Variants in VAT1L observed in about 807,000 individuals in gnomAD.
VAT1L encodes putative NADPH-dependent quinone oxidoreductase VAT1L.
In VAT1L, 34 loss-of-function variants were observed where a neutral mutation model predicts 44.1. That is an observed-to-expected ratio of 0.77 (90% CI 0.59 to 1.03). The LOEUF is 1.03. Ranked by LOEUF, VAT1L falls within the 50% of genes least tolerant of loss-of-function variation. The pLI, the probability that VAT1L is intolerant of heterozygous loss-of-function variation, is 0.00. For synonymous variants in VAT1L, 253 were observed against 202.2 expected (o/e 1.25, Z -2.13); for missense variants, 615 against 538.8 (o/e 1.14, Z -1.40).
At chr16:77,953,881 A>G (rs574872746) in intron 7 of VAT1L, among the ~76,000 whole-genome samples, 1 of 152,230 alleles carries the variant, frequency 6.6e-6, no homozygotes, top group Non-Finnish European at 1.5e-5. Context: ...CTTGAAAAGA[A>G]ACAAGCCCAC....
At chr16:77,821,960 G>A (rs1303036533) in intron 2 of VAT1L, among the ~76,000 whole-genome samples, 6 of 152,150 alleles carry the variant, frequency 3.9e-5, no homozygotes, top group Non-Finnish European at 7.3e-5. Flanking sequence ...AAGCATAAGG[G>A]TGTGAGCATG....
At chr16:77,865,306 G>A (rs1050985811) in intron 4 of VAT1L, among the ~76,000 whole-genome samples, 5 of 152,044 alleles carry the variant, frequency 3.3e-5, no homozygotes, top group Admixed American at 2.6e-4. Context: ...CTTAAGCTGT[G>A]GTCTGGAAAA....
chr16:77,940,099 T>C (rs1326111513), intron 7 of VAT1L, among the ~76,000 whole-genome samples: 1 of 152,144 alleles, frequency 6.6e-6, no homozygotes, highest in Non-Finnish European at 1.5e-5. Context: ...TTAAAGAGTC[T>C]CAACAAGCTC....
intron 1 of VAT1L, among the ~76,000 whole-genome samples, chr16:77,806,042 T>C (rs968989012): frequency 1.7e-4 from 26 of 151,394 alleles, no homozygotes; most frequent in Middle Eastern, 3.4e-3. Flanking sequence ...TTTATATTTT[T>C]AGTAGAGTCA....
chr16:77,891,791 GGCC>G (rs1161484032), intron 7 of VAT1L, among the ~76,000 whole-genome samples: 1 of 152,178 alleles, frequency 6.6e-6, no homozygotes, highest in Non-Finnish European at 1.5e-5. Context: ...AAAAAGATTA[GGCC>G]GGGCGCGGTG....
chr16:77,887,601 G>A (rs974627972), intron 7 of VAT1L, among the ~76,000 whole-genome samples: 10 of 152,172 alleles, frequency 6.6e-5, no homozygotes, highest in Non-Finnish European at 1.3e-4. Flanking sequence ...TGCTTCATGT[G>A]TGCTGGGGTT....
At chr16:77,845,901 A>C (rs1009218273) in intron 3 of VAT1L, among the ~76,000 whole-genome samples, 2 of 152,120 alleles carry the variant, frequency 1.3e-5, no homozygotes, top group East Asian at 3.9e-4. Flanking sequence ...CCATTCGTCC[A>C]TCTGTCCGTC....
At chr16:77,947,333 C>T (rs573929184) in intron 7 of VAT1L, among the ~76,000 whole-genome samples, 5 of 152,280 alleles carry the variant, frequency 3.3e-5, no homozygotes, top group Non-Finnish European at 5.9e-5. Context: ...TTTAGGGACT[C>T]TTTTCACCCT....
chr16:77,971,981 C>G (rs2018283395), intron 8 of VAT1L, 48 bp downstream of exon 8: 1 of 1,565,590 alleles, frequency 6.4e-7, no homozygotes, highest in Non-Finnish European at 8.7e-7. Context: ...GAGAGAGCAC[C>G]ACGGGTCAAT....
At chr16:77,908,413 G>C (rs1168280109) in intron 7 of VAT1L, among the ~76,000 whole-genome samples, 1 of 130,874 alleles carries the variant, frequency 7.6e-6, no homozygotes, top group Non-Finnish European at 1.5e-5. Context: ...GCAGTGAGCC[G>C]AGATAGCGCC....
intron 7 of VAT1L, among the ~76,000 whole-genome samples, chr16:77,891,579 G>A (rs904880082): frequency 6.6e-6 from 1 of 152,188 alleles, no homozygotes; most frequent in Non-Finnish European, 1.5e-5. Flanking sequence ...TTGGATGTAA[G>A]TGTCCTCAGT....
At chr16:77,811,213 C>G (rs1055929766) in intron 1 of VAT1L, among the ~76,000 whole-genome samples, 3 of 152,072 alleles carry the variant, frequency 2.0e-5, no homozygotes, top group African/African-American at 7.2e-5. Context: ...TATGAGCAAC[C>G]CCTGCCTCTT....
At chr16:77,808,120 G>T (rs28628007) in intron 1 of VAT1L, among the ~76,000 whole-genome samples, 1 of 151,940 alleles carries the variant, frequency 6.6e-6, no homozygotes, top group African/African-American at 2.4e-5. Flanking sequence ...GTGAAGCTTC[G>T]TCTCTATTTA....
At chr16:77,928,761 T>TC (rs1254038994) in intron 7 of VAT1L, among the ~76,000 whole-genome samples, 1 of 151,488 alleles carries the variant, frequency 6.6e-6, no homozygotes, top group Non-Finnish European at 1.5e-5. Flanking sequence ...GTAAGAATTT[T>TC]TTTTTTAAAT....
intron 3 of VAT1L, among the ~76,000 whole-genome samples, chr16:77,859,585 T>C (rs900423529): frequency 2.6e-5 from 4 of 152,140 alleles, no homozygotes; most frequent in African/African-American, 4.8e-5. Context: ...GTTTGAGAAA[T>C]GTCACTCTGA....
At chr16:77,831,648 C>T (rs1032965557) in intron 3 of VAT1L, among the ~76,000 whole-genome samples, 2 of 152,068 alleles carry the variant, frequency 1.3e-5, no homozygotes, top group Non-Finnish European at 2.9e-5. Context: ...GACTGAGAAA[C>T]CATCACAGAT....
chr16:77,933,787 G>A (rs749294862), intron 7 of VAT1L, among the ~76,000 whole-genome samples: 9 of 152,176 alleles, frequency 5.9e-5, no homozygotes, highest in Non-Finnish European at 1.3e-4. Context: ...AAATACGACT[G>A]GAGCAAGGAA....
intron 7 of VAT1L, among the ~76,000 whole-genome samples, chr16:77,962,510 A>C (rs1316360903): frequency 2.0e-5 from 3 of 152,060 alleles, no homozygotes; most frequent in Admixed American, 2.0e-4. Flanking sequence ...CTTGGGAGTC[A>C]AACAGAACCC....
chr16:77,962,802 T>G (rs1221185111), intron 7 of VAT1L, among the ~76,000 whole-genome samples: 2 of 132,086 alleles, frequency 1.5e-5, no homozygotes, highest in Non-Finnish European at 3.4e-5. Context: ...AAAAAATAGC[T>G]AGGCATGGTG....
Sources: gnomAD v4.1 joint callset for allele counts (sites outside exome capture counted in the v4.1 genomes callset) on GRCh38, gnomAD v4.1.1 for gene constraint, MANE v1.5 for transcripts, NCBI Gene and HGNC (gene_info 2026-07-23, HGNC 2026-07-21) for gene names.